DZANK1: variants seen among roughly 807,000 people sequenced by gnomAD.
The protein encoded by DZANK1 is double zinc ribbon and ankyrin repeat-containing protein 1.
In DZANK1, 91 loss-of-function variants were observed where a neutral mutation model predicts 94.5. That is an observed-to-expected ratio of 0.96 (90% confidence interval 0.81 to 1.15). The LOEUF is 1.15. Ranked by LOEUF, DZANK1 falls within the 50% of genes most tolerant of loss-of-function variation. The pLI is 0.00. For missense variants in DZANK1, 903 were observed against 916.4 expected (o/e 0.99, Z 0.19); for synonymous variants, 312 against 325.3 (o/e 0.96, Z 0.44).
chr20:18,448,922 CTCTTTGACCATGATGTA>C, intron 7 of DZANK1, 45 bp downstream of exon 7: 2 of 1,025,304 alleles, frequency 2.0e-6, no homozygotes, highest in Admixed American at 4.5e-5. Flanking sequence ...TCTTTAAATT[CTCTTTGACCATGATGTA>C]TCTTTGTAGG....
chr20:18,417,539 TA>T (rs1475107889), intron 10 of DZANK1, among the ~76,000 whole-genome samples: 1 of 138,784 alleles, frequency 7.2e-6, no homozygotes, highest in Non-Finnish European at 1.6e-5. Flanking sequence ...ATATCAAGTC[TA>T]AAACCACATT....
chr20:18,408,883 T>G (rs1388156010), intron 13 of DZANK1, among the ~76,000 whole-genome samples: 1 of 152,194 alleles, frequency 6.6e-6, no homozygotes, highest in East Asian at 1.9e-4. Flanking sequence ...AACACTGGCA[T>G]TGTGGTGTGT....
At chr20:18,448,678 C>T (rs2058974553) in intron 7 of DZANK1, among the ~76,000 whole-genome samples, 1 of 151,948 alleles carries the variant, frequency 6.6e-6, no homozygotes. Context: ...ACCATCCTGG[C>T]CAACATGGTA....
intron 8 of DZANK1, among the ~76,000 whole-genome samples, chr20:18,438,652 T>C (rs1429137779): frequency 1.3e-5 from 2 of 152,246 alleles, no homozygotes; most frequent in Admixed American, 1.3e-4. Flanking sequence ...TATAAGTGTA[T>C]ATGACTGTAT....
intron 2 of DZANK1, among the ~76,000 whole-genome samples, 190 bp from the exon 3 acceptor site, chr20:18,460,496 G>A (rs1452814881): frequency 5.3e-5 from 8 of 152,188 alleles, no homozygotes; most frequent in African/African-American, 1.9e-4. Context: ...TTGGGAGGCC[G>A]AGGCGGGCGG....
chr20:18,436,729 T>C (rs1486372885), intron 8 of DZANK1, among the ~76,000 whole-genome samples: 1 of 151,994 alleles, frequency 6.6e-6, no homozygotes, highest in Admixed American at 6.6e-5. Flanking sequence ...ATAAGCTCAG[T>C]CAATCCCAAG....
At chr20:18,410,417 AAAG>A (rs1423711049) in intron 13 of DZANK1, among the ~76,000 whole-genome samples, 9 of 152,232 alleles carry the variant, frequency 5.9e-5, no homozygotes, top group Admixed American at 5.9e-4. Flanking sequence ...GAAATAACTC[AAAG>A]TATGTAGTGA....
chr20:18,388,285 G>A (rs1441667697), intron 19 of DZANK1, among the ~76,000 whole-genome samples: 1 of 152,164 alleles, frequency 6.6e-6, no homozygotes, highest in Non-Finnish European at 1.5e-5. Context: ...AGATAGACAG[G>A]TATAACCGCA....
At chr20:18,464,335 C>T (rs1270648340) in intron 2 of DZANK1, among the ~76,000 whole-genome samples, 2 of 152,094 alleles carry the variant, frequency 1.3e-5, no homozygotes, top group Non-Finnish European at 2.9e-5. Flanking sequence ...GGATTACAGG[C>T]GTGAGCCACC....
At chr20:18,394,933 A>G (rs1021007210) in intron 15 of DZANK1, 2 of 455,182 alleles carry the variant, frequency 4.4e-6, no homozygotes, top group African/African-American at 2.0e-5. Context: ...GGGCGTCTAC[A>G]TAATGAGGCC....
intron 13 of DZANK1, 118 bp downstream of exon 13, chr20:18,412,524 AAAAG>A: frequency 9.7e-7 from 1 of 1,031,996 alleles, no homozygotes; most frequent in East Asian, 2.4e-5. Flanking sequence ...GAAAAAGAGG[AAAAG>A]AAAGAAACTT....
chr20:18,455,322 G>C (rs373925424), exon 4 of DZANK1: 1 of 1,608,404 alleles, frequency 6.2e-7, no homozygotes, highest in East Asian at 2.2e-5. Flanking sequence ...CATAGTCTAC[G>C]TGAAACACCT....
rs755649105 is a variant in DZANK1, at chr20:18,402,475, C to G, written c.1433-3849G>C. Among the ~76,000 whole-genome samples the G allele has an allele frequency of 2.0e-5, 3 of 152,140 alleles. No homozygotes were observed. In the South Asian group the frequency reaches 6.2e-4, roughly 32 times the overall value. On this transcript the variant is annotated intron_variant, in intron 13 of 20. Transcript: ENST00000262547. Reference sequence around the variant, plus strand: ...ATGCCTCAAGTGAGCATGCACACAACTTCCATAAACATACGGTGCATGTGG... The same window carrying G: ...ATGCCTCAAGTGAGCATGCACACAAGTTCCATAAACATACGGTGCATGTGG...
chr20:18,389,826 T>TCCCTGC (rs757585663), exon 19 of DZANK1: 2 of 1,613,856 alleles, frequency 1.2e-6, no homozygotes, highest in South Asian at 2.2e-5. Context: ...TGGGGTCTGC[T>TCCCTGC]CCCTGCAGCA....
At chr20:18,429,800 T>C (rs1568962767) in intron 9 of DZANK1, among the ~76,000 whole-genome samples, 2 of 152,246 alleles carry the variant, frequency 1.3e-5, no homozygotes, top group African/African-American at 4.8e-5. Context: ...CACCATGCCA[T>C]GGCTCACTTC....
At position 18,443,388 on chromosome 20, in the gene DZANK1, G is replaced by C. The variant is rs41276434; in HGVS notation, c.706C>G (p.Pro236Ala). The C allele has an allele frequency of 2.3e-3, 3,518 of 1,549,760 alleles. 3 individuals carry two copies. The highest frequency in any genetic ancestry group is 2.9e-3 in the Non-Finnish European group (3,306 of 1,146,536). The change falls in exon 8 of 21, where the codon CCC (proline) becomes GCC (alanine). Residue 236 changes from proline (P) to alanine (A), a missense_variant. Physicochemically the swap from Pro to Ala is conservative, Grantham distance 27. Transcript: ENST00000262547. ...GGTGGGAGACGACAGCCAAATATGG[G>C]TGGGACAGGAGAGCCACATTCTTGA...
intron 10 of DZANK1, among the ~76,000 whole-genome samples, chr20:18,425,732 G>A (rs1396708235): frequency 6.6e-6 from 1 of 152,172 alleles, no homozygotes; most frequent in Non-Finnish European, 1.5e-5. Context: ...CTAATCCAGT[G>A]TGACTGGTGT....
chr20:18,393,479 C>A (rs2056139003), intron 17 of DZANK1, among the ~76,000 whole-genome samples: 1 of 152,040 alleles, frequency 6.6e-6, no homozygotes. Flanking sequence ...CAGAACTGAC[C>A]CCAGAGGAAA....
intron 6 of DZANK1, among the ~76,000 whole-genome samples, chr20:18,449,289 A>C (rs1483286307): frequency 6.6e-6 from 1 of 152,126 alleles, no homozygotes; most frequent in Non-Finnish European, 1.5e-5. Context: ...ATTTGGGTGA[A>C]GGGTACCCTA....
Sources: gnomAD v4.1 joint callset for allele counts (sites outside exome capture counted in the v4.1 genomes callset) on GRCh38, gnomAD v4.1.1 for gene constraint, MANE v1.5 for transcripts, NCBI Gene and HGNC (gene_info 2026-07-23, HGNC 2026-07-21) for gene names.